Variants in DNAH1 observed in about 807,000 individuals in gnomAD.
The protein encoded by DNAH1 is axonemal beta dynein heavy chain 1.
Under a neutral mutation model 484.3 loss-of-function variants are expected in DNAH1, and 327 were observed. The ratio of observed to expected loss-of-function variants is 0.68; its 90% CI spans 0.62 to 0.74. DNAH1 has a LOEUF of 0.74. Among genes scored for constraint, DNAH1 ranks in the 30% least tolerant of loss-of-function variants. The pLI, the probability that DNAH1 is intolerant of heterozygous loss-of-function variation, is 0.00. For synonymous variants in DNAH1, 2,192 were observed against 2,191.9 expected, an observed-to-expected ratio of 1.00 and a Z score of 0.00; for missense variants, 5,052 against 5,546.8, an observed-to-expected ratio of 0.91 and a Z score of 2.83.
intron 73 of DNAH1, among the ~76,000 whole-genome samples, 195 bp downstream of exon 73, chr3:52,397,239 T>G (rs1435587183): frequency 6.6e-6 from 1 of 151,994 alleles, no homozygotes; most frequent in Non-Finnish European, 1.5e-5. Flanking sequence ...GGGGCTTGCC[T>G]CTGTGAGTGA....
At chr3:52,393,185 C>G in intron 65 of DNAH1, 149 bp from the exon 66 acceptor site, 1 of 1,440,710 alleles carries the variant, frequency 6.9e-7, no homozygotes, top group Admixed American at 1.9e-5. Flanking sequence ...CTACCCTCCT[C>G]CGAGCCCCTT....
chr3:52,391,068 C>T lies in DNAH1; in HGVS notation c.9741+14C>T. 1 of 1,575,198 alleles carries T rather than the reference C, an allele frequency of 6.3e-7. No individual in the cohort carries two copies. On this transcript the variant is annotated intron_variant, in intron 61 of 77. Transcript: ENST00000420323. ...ATCAAGAACATGGTGAGCCCACCCA[C>T]CAGGCACCACCACCCCACCCCAGCC...
At position 52,353,377 on chromosome 3, in the gene DNAH1, C is replaced by A. The variant is rs746967812; in HGVS notation, c.3227-3C>A. The A allele has an allele frequency of 2.5e-6, 4 of 1,608,850 alleles. No individual in the cohort carries two copies. The highest frequency in any genetic ancestry group is 3.4e-6 in the Non-Finnish European group (4 of 1,176,214). On this transcript the variant is annotated splice_region_variant and splice_polypyrimidine_tract_variant and intron_variant, in intron 19 of 77. Coordinates refer to ENST00000420323, the MANE Select transcript of DNAH1 (RefSeq NM_015512.5). The surrounding 1 kb of genome is among the most constrained non-coding windows in gnomAD (Gnocchi z 5.0). Reference sequence around the variant, plus strand: ...TCTCATGCGTTTCTGTCTTACCCGGCAGCCTGCCAGGAAGTGGCCTTGGAC... The same window carrying A: ...TCTCATGCGTTTCTGTCTTACCCGGAAGCCTGCCAGGAAGTGGCCTTGGAC...
intron 47 of DNAH1, 59 bp downstream of exon 47, chr3:52,378,839 C>G: frequency 6.3e-7 from 1 of 1,594,092 alleles, no homozygotes; most frequent in East Asian, 2.2e-5. Flanking sequence ...TCCTCCCCAG[C>G]CCCACCAATT....
intron 44 of DNAH1, 90 bp from the exon 45 acceptor site, chr3:52,375,150 T>A (rs1254857079): frequency 1.4e-6 from 2 of 1,408,294 alleles, no homozygotes; most frequent in African/African-American, 1.4e-5. Flanking sequence ...TTCTAAAGTA[T>A]AATTTTGAAT....
At chr3:52,388,715 C>T in intron 58 of DNAH1, 91 bp from the exon 59 acceptor site, 1 of 1,604,528 alleles carries the variant, frequency 6.2e-7, no homozygotes, top group Non-Finnish European at 8.5e-7. Context: ...ACACCCCCTC[C>T]CTGGCAACCC....
intron 34 of DNAH1, among the ~76,000 whole-genome samples, chr3:52,365,937 G>C (rs1417280874): frequency 6.6e-6 from 1 of 152,178 alleles, no homozygotes; most frequent in Non-Finnish European, 1.5e-5. Flanking sequence ...GCCCTATTTG[G>C]CAGGAACCCC....
At chr3:52,341,695 T>C (rs34523877) in intron 8 of DNAH1, among the ~76,000 whole-genome samples, 30,010 of 152,034 alleles carry the variant, frequency 0.2, 3,438 homozygotes, top group African/African-American at 0.31. Flanking sequence ...CAACTGCAGT[T>C]GGGGCAAGCT....
chr3:52,351,629 C>T (rs1376730085), intron 16 of DNAH1, among the ~76,000 whole-genome samples: 1 of 152,226 alleles, frequency 6.6e-6, no homozygotes, highest in African/African-American at 2.4e-5. Context: ...GCCCCTCTGG[C>T]CCCTGAGGCT....
At chr3:52,341,156 TCCTGTA>T (rs1321786975) in intron 8 of DNAH1, among the ~76,000 whole-genome samples, 2 of 152,182 alleles carry the variant, frequency 1.3e-5, no homozygotes, top group Non-Finnish European at 2.9e-5. Context: ...GGAAGTGCAT[TCCTGTA>T]CCTGTAGCAG....
intron 44 of DNAH1, chr3:52,373,587 C>T: frequency 6.8e-7 from 1 of 1,471,192 alleles, no homozygotes; most frequent in Admixed American, 1.7e-5. Context: ...GAAAGACAAA[C>T]AGCAAAATTC....
In DNAH1 at chr3:52,383,909, G is replaced by A. The variant is rs376888480; in HGVS notation, c.8200G>A (p.Val2734Ile). ...RARLRQFPSLVNCCTIDWFNE... is the reference protein window; with the variant it reads ...RARLRQFPSLINCCTIDWFNE... ...TCGTCTGAGGCAGTTTCCCTCCCTG[G>A]TCAACTGCTGTACCATCGACTGGTT... Residue 2734 changes from valine to isoleucine, a missense_variant, in exon 52 of 78, where the codon GTC becomes ATC. Val to Ile is a conservative substitution (Grantham distance 29). This residue lies in a region of DNAH1 where 2,929 missense variants were observed against 3,409.4 expected (regional missense o/e 0.86). Coordinates refer to ENST00000420323, the MANE Select transcript of DNAH1 (RefSeq NM_015512.5). The A allele has an allele frequency of 1.2e-6, 2 of 1,611,722 alleles. No homozygotes were observed. The highest frequency in any genetic ancestry group is 1.1e-5 in the South Asian group (1 of 90,886).
At position 52,395,473 on chromosome 3, in the gene DNAH1, G is replaced by A. The variant is rs1162986888; in HGVS notation, c.11127+7G>A. On this transcript the variant is annotated splice_region_variant and intron_variant, in intron 69 of 77. Transcript: ENST00000420323. The surrounding 1 kb of genome is among the most constrained non-coding windows in gnomAD (Gnocchi z 4.4). ...CTCCCTGGGCCAGGGGCAGGTCAGG[G>A]CTAGGCAGGGAGGAAGGGAGTGGGC... is the stretch of plus-strand genomic sequence containing the variant. The A allele has an allele frequency of 1.9e-6, 3 of 1,613,764 alleles. No homozygotes were observed. In the African/African-American group the frequency reaches 4.0e-5, roughly 22 times the overall value.
chr3:52,396,894 C>G lies in DNAH1; in HGVS notation c.11637C>G (p.Ile3879Met). ...YKVLKYTAGE[I>M]NYGGRVTDDW... ...TCCTCAAGTACACGGCAGGGGAGATCAATTACGGGGGCCGTGTCACTGATG... is the reference window on the plus strand; with the variant it reads ...TCCTCAAGTACACGGCAGGGGAGATGAATTACGGGGGCCGTGTCACTGATG... Residue 3879 changes from isoleucine to methionine, a missense_variant, in exon 73 of 78, where the codon ATC becomes ATG. Physicochemically the swap from Ile to Met is conservative, Grantham distance 10. This residue lies in a region of DNAH1 where 853 missense variants were observed against 899.0 expected (regional missense o/e 0.95). Transcript: ENST00000420323. 6.3e-7 allele frequency: 1 copy of G among 1,593,778 alleles called. No individual in the cohort carries two copies. Among genetic ancestry groups the G allele is most frequent in the South Asian group, 1.1e-5 (1 of 90,662 alleles).
chr3:52,326,569 C>T (rs1202192344), intron 4 of DNAH1, among the ~76,000 whole-genome samples, 166 bp from the exon 5 acceptor site: 1 of 152,094 alleles, frequency 6.6e-6, no homozygotes. Context: ...GACACCAGCC[C>T]CAGCCACCAC....
At chr3:52,312,115 G>A (rs1173587955), upstream of DNAH1, among the ~76,000 whole-genome samples, 2 of 152,218 alleles carry the variant, frequency 1.3e-5, no homozygotes, top group African/African-American at 4.8e-5. Flanking sequence ...CCTGGGCAGG[G>A]ACCGAGGGTC....
In DNAH1 at chr3:52,385,343, C is replaced by T. The variant is rs372040348; in HGVS notation, c.8521C>T (p.Arg2841Cys). 5 of 1,552,082 alleles carry T rather than the reference C, an allele frequency of 3.2e-6. No individual in the cohort carries two copies. Among genetic ancestry groups the T allele is most frequent in the African/African-American group, 2.7e-5 (2 of 73,068 alleles). ...RMKSGLDKLL[R>C]TSEDVAKMQE... ...TCTCTGCCCTGACCCCTAGCTGCTG[C>T]GCACTTCTGAGGATGTAGCCAAGAT... The change falls in exon 54 of 78, where the codon CGC (arginine) becomes TGC (cysteine). Residue 2841 changes from arginine (R) to cysteine (C), a missense_variant. Arg to Cys is a radical substitution (Grantham distance 180, BLOSUM62 -3). Coordinates refer to ENST00000420323, the MANE Select transcript of DNAH1 (RefSeq NM_015512.5).
Position 52,360,694 on chromosome 3 carries a change from C to G in DNAH1, c.4685+270C>G, listed in dbSNP as rs545558990. ...ATTTCATGAGCTGATACATGTAGAG[C>G]TCTCAGCACAGGTGTGGCACTCAGT... On this transcript the variant is annotated intron_variant, in intron 28 of 77. Transcript: ENST00000420323. Among the ~76,000 whole-genome samples, 11 of 152,340 alleles carry G rather than the reference C, an allele frequency of 7.2e-5. No homozygotes were observed. The South Asian group carries it at 2.3e-3, about 32-fold the overall frequency.
chr3:52,360,127 G>A (rs1159457596), intron 27 of DNAH1, 48 bp downstream of exon 27: 3 of 1,611,100 alleles, frequency 1.9e-6, no homozygotes, highest in South Asian at 1.1e-5. Context: ...TGCCAGGAAG[G>A]GGCAGGGGAA....
Sources: allele counts gnomAD v4.1 joint callset (sites outside exome capture counted in the v4.1 genomes callset), GRCh38; gene constraint gnomAD v4.1.1; regional missense constraint gnomAD v4.1.1; non-coding constraint Gnocchi (gnomAD v3.1); transcripts MANE v1.5; gene names NCBI Gene and HGNC (gene_info 2026-07-23, HGNC 2026-07-21).